Variants in POLN observed in about 807,000 individuals in gnomAD.
The protein encoded by POLN is DNA polymerase nu.
A neutral mutation model predicts 113.5 loss-of-function variants in POLN; 108 were observed. The observed-to-expected ratio is 0.95, with a 90% confidence interval of 0.81 to 1.12. The LOEUF is 1.12. Among genes scored for constraint, POLN ranks in the 50% most tolerant of loss-of-function variants. The probability of loss-of-function intolerance (pLI) is 0.00; values close to 1 mark genes in which losing one functional copy is unlikely to be tolerated. For synonymous variants in POLN, 386 were observed against 391.5 expected (o/e 0.99, Z 0.17); for missense variants, 1,097 against 1,077.1 (o/e 1.02, Z -0.26).
chr4:2,128,564 T>C (rs987378401), intron 18 of POLN, among the ~76,000 whole-genome samples: 2 of 152,138 alleles, frequency 1.3e-5, no homozygotes, highest in Non-Finnish European at 2.9e-5. Flanking sequence ...CAAGATGGTC[T>C]CTGGGGAAGA....
At chr4:2,146,094 TATAA>T (rs201131906) in intron 16 of POLN, among the ~76,000 whole-genome samples, 1,556 of 150,950 alleles carry the variant, frequency 0.01, 32 homozygotes, top group African/African-American at 0.034. Flanking sequence ...TTTAAGAAAA[TATAA>T]ATAAATAAAT....
At chr4:2,171,326 G>A (rs1732855572) in intron 11 of POLN, 145 bp from the exon 12 acceptor site, 1 of 619,546 alleles carries the variant, frequency 1.6e-6, no homozygotes, top group Admixed American at 3.2e-5. Context: ...GCTGAGGCAG[G>A]AGGATCACTT....
chr4:2,233,271 C>G (rs1232100728), intron 2 of POLN, among the ~76,000 whole-genome samples: 1 of 152,090 alleles, frequency 6.6e-6, no homozygotes, highest in Non-Finnish European at 1.5e-5. Context: ...CATACAGTTG[C>G]TAAAACAACA....
At chr4:2,120,117 G>A (rs1391347352) in intron 19 of POLN, among the ~76,000 whole-genome samples, 1 of 152,132 alleles carries the variant, frequency 6.6e-6, no homozygotes, top group African/African-American at 2.4e-5. Flanking sequence ...ATCAGAAGGT[G>A]CCTATCCTTC....
At chr4:2,112,395 T>G (rs1410851916) in intron 19 of POLN, among the ~76,000 whole-genome samples, 1 of 152,120 alleles carries the variant, frequency 6.6e-6, no homozygotes, top group Non-Finnish European at 1.5e-5. Context: ...GGGATCTAAT[T>G]AAACTAAAGA....
At chr4:2,090,553 T>A (rs1269675080) in intron 20 of POLN, 1 of 463,346 alleles carries the variant, frequency 2.2e-6, no homozygotes, top group East Asian at 4.5e-5. Flanking sequence ...AGACTGGCCA[T>A]GGTGATCATC....
At chr4:2,177,304 G>A in intron 8 of POLN, 1 of 484,632 alleles carries the variant, frequency 2.1e-6, no homozygotes, top group Non-Finnish European at 4.1e-6. Context: ...CTTCTCCCCA[G>A]GTTGGTCTTG....
Position 2,208,179 on chromosome 4 carries a change from C to T in POLN, c.522G>A (p.Leu174=). ...LSEKTSKQMA[L]EEDTDDAEGY... ...CTTCGGCGTCATCAGTATCTTCTTC[C>T]AATGCCATTTGTTTACTTGTTTTCT... Residue 174 remains leucine, a synonymous_variant, in exon 5 of 26, where the codon TTG becomes TTA. Transcript: ENST00000511885. 1 of 1,612,896 alleles carries T rather than the reference C, an allele frequency of 6.2e-7. No individual in the cohort carries two copies. The highest frequency in any genetic ancestry group is 1.1e-5 in the South Asian group (1 of 91,044).
At position 2,186,030 on chromosome 4, in the gene POLN, T is replaced by C. The variant is rs369763122; in HGVS notation, c.1022-6565A>G. Among the ~76,000 whole-genome samples, 4 of 151,974 alleles carry C rather than the reference T, an allele frequency of 2.6e-5. No individual in the cohort carries two copies. The East Asian group carries it at 7.7e-4, about 29-fold the overall frequency. On this transcript the variant is annotated intron_variant, in intron 7 of 25. Coordinates refer to ENST00000511885, the MANE Select transcript of POLN (RefSeq NM_181808.4). The stretch of plus-strand genomic sequence containing the variant: ...CCAGCAATATCCCAGAACCCAAATA[T>C]AAGGATGACACAGTTTCCAAGGCCA...
rs115268027 is a variant in POLN at position 2,097,234 on chromosome 4, C to T, written c.1983-1301G>A. 8.9e-3 allele frequency among the ~76,000 whole-genome samples: 1,348 copies of T among 152,226 alleles called. 25 individuals carry two copies. Among genetic ancestry groups the T allele is most frequent in the African/African-American group, 0.031 (1,276 of 41,526 alleles). On this transcript the variant is annotated intron_variant, in intron 19 of 25. Transcript: ENST00000511885. ...GTGAGAATAAATACCCACTTCTTTTCGAGTAAGGTGTGCTCTGCCTCCAGA... is the reference window on the plus strand; with the variant it reads ...GTGAGAATAAATACCCACTTCTTTTTGAGTAAGGTGTGCTCTGCCTCCAGA...
rs1733908293 is a variant in POLN at position 2,208,329 on chromosome 4, T to C, written c.372A>G (p.Gln124=). ...LSSCLIPQYN[Q]EASVLQKKGH... is the part of the protein sequence containing the mutation. ...CCTTTTTCTGTAGAACTGAAGCCTC[T>C]TGATTATACTGTGGAATTAAACAAC... Residue 124 remains glutamine (Q), a synonymous_variant, in exon 5 of 26, where the codon CAA becomes CAG. Coordinates refer to ENST00000511885, the MANE Select transcript of POLN (RefSeq NM_181808.4). 3.7e-6 allele frequency: 6 copies of C among 1,611,934 alleles called. No individual in the cohort carries two copies. The highest frequency in any genetic ancestry group is 4.2e-6 in the Non-Finnish European group (5 of 1,179,362).
chr4:2,122,628 C>T (rs528606579), intron 19 of POLN, among the ~76,000 whole-genome samples: 1 of 152,258 alleles, frequency 6.6e-6, no homozygotes, highest in East Asian at 1.9e-4. Context: ...CCCCACACAC[C>T]TGTGGGAATG....
At position 2,159,617 on chromosome 4, in the gene POLN, G is replaced by A. The variant is rs34875682; in HGVS notation, c.1555-406C>T. On this transcript the variant is annotated intron_variant, in intron 13 of 25. Transcript: ENST00000511885. ...ATAACATACCTATAGGAAAGTGCAA[G>A]AGAGTAAGAAAAGTTTGTTAATTAT... is the stretch of plus-strand genomic sequence containing the variant. 3.1e-3 allele frequency among the ~76,000 whole-genome samples: 468 copies of A among 152,304 alleles called. 3 individuals are homozygous for A. The highest frequency in any genetic ancestry group is 0.011 in the African/African-American group (448 of 41,568).
chr4:2,208,316 G>A lies in POLN; in HGVS notation c.385C>T (p.Leu129=), dbSNP rs1733907947. ...IPQYNQEASV[L]QKKGHKRKHF... ...TTTCTTTTATGCCCCTTTTTCTGTA[G>A]AACTGAAGCCTCTTGATTATACTGT... The change falls in exon 5 of 26, where the codon CTA becomes TTA. Residue 129 remains leucine, a synonymous_variant. Transcript: ENST00000511885. The A allele has an allele frequency of 1.2e-6, 2 of 1,607,476 alleles. No homozygotes were observed.
intron 13 of POLN, among the ~76,000 whole-genome samples, chr4:2,162,948 C>T (rs1178135030): frequency 1.3e-4 from 20 of 151,042 alleles, no homozygotes; most frequent in Admixed American, 1.3e-3. Flanking sequence ...ATAGTGATCC[C>T]CCGCGCCCAG....
chr4:2,167,323 C>T (rs1014090871), intron 13 of POLN, among the ~76,000 whole-genome samples: 3 of 152,118 alleles, frequency 2.0e-5, no homozygotes, highest in African/African-American at 4.8e-5. Flanking sequence ...GTTCTGAGAA[C>T]ATGTGACTTC....
intron 22 of POLN, 88 bp from the exon 23 acceptor site, chr4:2,081,124 G>A (rs375946628): frequency 9.0e-5 from 145 of 1,606,128 alleles, no homozygotes; most frequent in Non-Finnish European, 1.2e-4. Context: ...CAGCTCTCAC[G>A]GTACCTCCAC....
intron 7 of POLN, among the ~76,000 whole-genome samples, chr4:2,188,297 C>T (rs1733331459): frequency 6.6e-6 from 1 of 152,068 alleles, no homozygotes; most frequent in Non-Finnish European, 1.5e-5. Flanking sequence ...AGGAGTTCTT[C>T]AATCTGAAAG....
At chr4:2,200,937 C>A (rs1733694193) in intron 5 of POLN, among the ~76,000 whole-genome samples, 1 of 151,982 alleles carries the variant, frequency 6.6e-6, no homozygotes, top group Non-Finnish European at 1.5e-5. Context: ...CAGAGAAAGG[C>A]AAAGCCCAGT....
Sources: gnomAD v4.1 joint callset for allele counts (sites outside exome capture counted in the v4.1 genomes callset) on GRCh38, gnomAD v4.1.1 for gene constraint, MANE v1.5 for transcripts, NCBI Gene and HGNC (gene_info 2026-07-23, HGNC 2026-07-21) for gene names.